PLEKHM3: variants seen among roughly 807,000 people sequenced by gnomAD.
The protein encoded by PLEKHM3 is pleckstrin homology domain-containing family M member 3.
A neutral mutation model predicts 81.8 loss-of-function variants in PLEKHM3; 45 were observed. The ratio of observed to expected loss-of-function variants is 0.55; its 90% CI spans 0.43 to 0.71. PLEKHM3 has a LOEUF of 0.71. Ranked by LOEUF, PLEKHM3 falls within the 30% of genes least tolerant of loss-of-function variation. PLEKHM3 has a pLI of 0.00. For synonymous variants in PLEKHM3, 352 were observed against 356.4 expected (o/e 0.99, Z 0.14); for missense variants, 788 against 924.3 (o/e 0.85, Z 1.91).
At chr2:207,908,623 A>G (rs746515208) in intron 5 of PLEKHM3, 46 bp from the exon 6 acceptor site, 2 of 1,502,884 alleles carry the variant, frequency 1.3e-6, no homozygotes, top group East Asian at 4.6e-5. Context: ...TGCTGCCATA[A>G]CACACATTTT....
chr2:207,917,746 G>A (rs978413515), intron 5 of PLEKHM3, among the ~76,000 whole-genome samples: 29 of 152,114 alleles, frequency 1.9e-4, no homozygotes, highest in Admixed American at 2.0e-4. Context: ...TACTCAGGAG[G>A]CTGAAGTAGG....
intron 7 of PLEKHM3, among the ~76,000 whole-genome samples, chr2:207,860,586 T>C (rs2092462284): frequency 6.6e-6 from 1 of 152,126 alleles, no homozygotes; most frequent in Non-Finnish European, 1.5e-5. Flanking sequence ...GTTAGAAAAA[T>C]CATCCCACAT....
chr2:207,828,770 G>C (rs2092267756), intron 7 of PLEKHM3, among the ~76,000 whole-genome samples: 1 of 152,174 alleles, frequency 6.6e-6, no homozygotes, highest in Non-Finnish European at 1.5e-5. Context: ...TGGTTATAGT[G>C]ACAATGGACA....
chr2:207,840,827 CAG>C (rs1360015124), intron 7 of PLEKHM3, among the ~76,000 whole-genome samples: 29 of 118,288 alleles, frequency 2.5e-4, no homozygotes, highest in African/African-American at 8.5e-4. Flanking sequence ...TTTTTTGAGA[CAG>C]AGTCTCTGTC....
At chr2:207,925,257 G>A (rs1002652884) in intron 5 of PLEKHM3, among the ~76,000 whole-genome samples, 2 of 151,888 alleles carry the variant, frequency 1.3e-5, no homozygotes, top group Non-Finnish European at 2.9e-5. Context: ...TGAGGGATCC[G>A]GGTAGATCGC....
At position 207,976,651 on chromosome 2, in the gene PLEKHM3, C is replaced by A; in HGVS notation, c.1546G>T (p.Gly516Cys). 6.2e-7 allele frequency: 1 copy of A among 1,611,526 alleles called. No homozygotes were observed. Among genetic ancestry groups the A allele is most frequent in the Non-Finnish European group, 8.5e-7 (1 of 1,178,578 alleles). Residue 516 changes from glycine (G) to cysteine (C), a missense_variant and splice_region_variant, in exon 3 of 8, where the codon GGC becomes TGC. Physicochemically the swap from Gly to Cys is radical, Grantham distance 159. Transcript: ENST00000427836. This position sits in a 1 kb window ranked among gnomAD's most constrained non-coding sequence, Gnocchi z 4.1. ...TATAGGCTGAAAATCTGCTTCATACCTGCACATTTGAAACTCTGAGCAGTG... is the reference window on the plus strand; with the variant it reads ...TATAGGCTGAAAATCTGCTTCATACATGCACATTTGAAACTCTGAGCAGTG... ...GLTAQSFKCA[G>C]CQRSIGLSNG... is the part of the protein sequence containing the mutation.
intron 1 of PLEKHM3, among the ~76,000 whole-genome samples, chr2:208,012,234 G>A (rs1448967987): frequency 6.6e-6 from 1 of 152,004 alleles, no homozygotes; most frequent in Admixed American, 6.6e-5. Flanking sequence ...TAGTAGAGAC[G>A]GGGTTTCACC....
chr2:207,946,788 C>T (rs143042676), intron 3 of PLEKHM3, among the ~76,000 whole-genome samples: 117 of 152,290 alleles, frequency 7.7e-4, no homozygotes, highest in Middle Eastern at 3.4e-3. Flanking sequence ...ATACAGCTGC[C>T]AGAGATCAGT....
intron 5 of PLEKHM3, among the ~76,000 whole-genome samples, chr2:207,918,543 A>AAAACAAAC (rs376766099): frequency 6.8e-6 from 1 of 146,466 alleles, no homozygotes; most frequent in African/African-American, 2.8e-5. Flanking sequence ...AAACAAACAA[A>AAAACAAAC]AAACAAACAA....
rs532041080 is a variant in PLEKHM3 at position 207,926,815 on chromosome 2, G to A, written c.1886+4111C>T. On this transcript the variant is annotated intron_variant, in intron 5 of 7. Transcript: ENST00000427836. Reference sequence around the variant, plus strand: ...AACAAAAACAGTGAGGATGAATACCGGACAGCCATCATAATGAAAGGCCTA... The same window carrying A: ...AACAAAAACAGTGAGGATGAATACCAGACAGCCATCATAATGAAAGGCCTA... Among the ~76,000 whole-genome samples, 59 of 152,260 alleles carry A rather than the reference G, an allele frequency of 3.9e-4. No homozygotes were observed. In the South Asian group the frequency reaches 0.012, roughly 30 times the overall value.
At chr2:207,972,257 G>A (rs1490396669) in intron 3 of PLEKHM3, among the ~76,000 whole-genome samples, 3 of 144,688 alleles carry the variant, frequency 2.1e-5, no homozygotes, top group African/African-American at 7.5e-5. Flanking sequence ...AGGTAGGCAT[G>A]ATAATAGTAG....
At chr2:207,836,318 T>TAAA (rs34489704) in intron 7 of PLEKHM3, among the ~76,000 whole-genome samples, 1 of 131,852 alleles carries the variant, frequency 7.6e-6, no homozygotes. Flanking sequence ...AGAGAGAGTC[T>TAAA]AAAAAAAAAA....
chr2:207,875,550 T>C (rs1267850376), intron 6 of PLEKHM3, among the ~76,000 whole-genome samples: 1 of 152,230 alleles, frequency 6.6e-6, no homozygotes, highest in South Asian at 2.1e-4. Flanking sequence ...AGTCTTACTT[T>C]AATGAATTTA....
intron 6 of PLEKHM3, among the ~76,000 whole-genome samples, chr2:207,878,117 T>G (rs974405093): frequency 6.6e-6 from 1 of 152,144 alleles, no homozygotes; most frequent in African/African-American, 2.4e-5. Context: ...TTTAAAAATT[T>G]TTTGGAGATA....
intron 7 of PLEKHM3, among the ~76,000 whole-genome samples, chr2:207,834,495 G>A (rs1162070590): frequency 3.4e-5 from 5 of 146,568 alleles, no homozygotes; most frequent in South Asian, 2.2e-4. Context: ...GCGCAATCTC[G>A]GCTCACCGCA....
intron 5 of PLEKHM3, among the ~76,000 whole-genome samples, chr2:207,927,912 G>A (rs1000533869): frequency 6.6e-6 from 1 of 152,106 alleles, no homozygotes; most frequent in Admixed American, 6.6e-5. Flanking sequence ...CTAAATAGTC[G>A]TATTTCAGAA....
intron 6 of PLEKHM3, among the ~76,000 whole-genome samples, chr2:207,894,055 T>G (rs2105876569): frequency 6.6e-6 from 1 of 152,310 alleles, no homozygotes; most frequent in Middle Eastern, 3.4e-3. Context: ...AAGTCGAGGC[T>G]GCAGTGAGCT....
At chr2:207,851,473 C>A (rs930453939) in intron 7 of PLEKHM3, 4 of 152,124 alleles carry the variant, frequency 2.6e-5, no homozygotes, top group African/African-American at 9.7e-5. Flanking sequence ...CAGTGGCTCA[C>A]GCCTGTAATC....
chr2:208,000,542 T>C (rs1692261410), intron 2 of PLEKHM3, among the ~76,000 whole-genome samples: 1 of 152,212 alleles, frequency 6.6e-6, no homozygotes, highest in South Asian at 2.1e-4. Context: ...GAGTACCTTC[T>C]TGAGTCTTTG....
Sources: allele counts gnomAD v4.1 joint callset (sites outside exome capture counted in the v4.1 genomes callset), GRCh38; gene constraint gnomAD v4.1.1; non-coding constraint Gnocchi (gnomAD v3.1); transcripts MANE v1.5; gene names NCBI Gene and HGNC (gene_info 2026-07-23, HGNC 2026-07-21).